Variants in MAP2K5 observed in about 807,000 individuals in gnomAD.
The protein encoded by MAP2K5 is dual specificity mitogen-activated protein kinase kinase 5.
MAP2K5 carries 49 observed loss-of-function variants against 83.1 expected under a neutral mutation model. That is an observed-to-expected ratio of 0.59 (90% confidence interval 0.47 to 0.75). The LOEUF (loss-of-function observed/expected upper bound fraction) is 0.75. MAP2K5 is among the 30% of genes least tolerant of loss of function. MAP2K5 has a pLI of 0.00. For synonymous variants in MAP2K5, 202 were observed against 191.8 expected (o/e 1.05, Z -0.44); for missense variants, 457 against 557.5 (o/e 0.82, Z 1.82).
At chr15:67,733,911 C>T (rs1300750563) in intron 17 of MAP2K5, among the ~76,000 whole-genome samples, 1 of 152,202 alleles carries the variant, frequency 6.6e-6, no homozygotes, top group Non-Finnish European at 1.5e-5. Flanking sequence ...GTGTGTTCAA[C>T]CCCTATATAC....
intron 19 of MAP2K5, among the ~76,000 whole-genome samples, chr15:67,752,125 G>T (rs1278295048): frequency 1.3e-5 from 2 of 152,114 alleles, no homozygotes; most frequent in African/African-American, 4.8e-5. Context: ...GAGTGGAGTG[G>T]CACAACCTCC....
chr15:67,711,246 A>G (rs1029653258), intron 16 of MAP2K5, among the ~76,000 whole-genome samples: 2 of 152,244 alleles, frequency 1.3e-5, no homozygotes, highest in African/African-American at 4.8e-5. Context: ...AGTTTCAGAA[A>G]ATAAAGATCA....
rs2089387104 is a variant in MAP2K5, at chr15:67,738,171, A to G, written c.1075-10060A>G. Among the ~76,000 whole-genome samples, 1 of 152,140 alleles carries G rather than the reference A, an allele frequency of 6.6e-6. No homozygotes were observed. The highest frequency in any genetic ancestry group is 2.4e-5 in the African/African-American group (1 of 41,442). ...TTGGCCTAGAATAGTCTTATGAGAGAAGAAGCTATTGGCCTACAGGTTCAG... is the reference window on the plus strand; with the variant it reads ...TTGGCCTAGAATAGTCTTATGAGAGGAGAAGCTATTGGCCTACAGGTTCAG... On this transcript the variant is annotated intron_variant, in intron 17 of 21. Transcript: ENST00000178640. This position sits in a 1 kb window ranked among gnomAD's most constrained non-coding sequence, Gnocchi z 4.1.
intron 13 of MAP2K5, among the ~76,000 whole-genome samples, chr15:67,683,424 AT>A (rs967550266): frequency 3.3e-5 from 5 of 152,194 alleles, no homozygotes; most frequent in African/African-American, 1.2e-4. Context: ...GTGGTTTATG[AT>A]ATAAGGTCAA....
At chr15:67,672,077 G>A (rs2087554706) in intron 13 of MAP2K5, among the ~76,000 whole-genome samples, 1 of 151,842 alleles carries the variant, frequency 6.6e-6, no homozygotes. Flanking sequence ...GGACATTTGG[G>A]TTGGTTCCAA....
rs983428686 is a variant in MAP2K5, at chr15:67,798,898, C to T, written c.1243-7748C>T. 2.0e-5 allele frequency among the ~76,000 whole-genome samples: 3 copies of T among 152,046 alleles called. No homozygotes were observed. In the South Asian group the frequency reaches 6.2e-4, roughly 32 times the overall value. On this transcript the variant is annotated intron_variant, in intron 21 of 21. Transcript: ENST00000178640. ...AATCAGAGGCCAAGACAGCCGGGCA[C>T]GGTGGCTCACGCCTGTAATCCCAGC...
intron 13 of MAP2K5, among the ~76,000 whole-genome samples, chr15:67,671,129 A>C (rs1480808927): frequency 1.3e-5 from 2 of 152,164 alleles, no homozygotes; most frequent in Non-Finnish European, 2.9e-5. Context: ...CTGGATGATC[A>C]CTCAGATTTC....
chr15:67,776,095 C>G (rs554802682), intron 21 of MAP2K5, among the ~76,000 whole-genome samples: 30 of 152,072 alleles, frequency 2.0e-4, no homozygotes, highest in Non-Finnish European at 4.0e-4. Flanking sequence ...TCTTTAAGAG[C>G]CTATTGCAGA....
Position 67,780,923 on chromosome 15 carries a change from G to A in MAP2K5, c.1242+8171G>A, listed in dbSNP as rs1042080750. Among the ~76,000 whole-genome samples, 4 of 152,196 alleles carry A rather than the reference G, an allele frequency of 2.6e-5. No homozygotes were observed. The East Asian group carries it at 7.7e-4, about 29-fold the overall frequency. The stretch of plus-strand genomic sequence containing the variant: ...TTTGGTATGCATTCTGACCACTTGA[G>A]AATTTACCTCAAGCAAGTAACTCCA... On this transcript the variant is annotated intron_variant, in intron 21 of 21. Transcript: ENST00000178640. This position sits in a 1 kb window ranked among gnomAD's most constrained non-coding sequence, Gnocchi z 5.0.
At chr15:67,612,919 A>G (rs1470217242) in intron 8 of MAP2K5, among the ~76,000 whole-genome samples, 1 of 152,196 alleles carries the variant, frequency 6.6e-6, no homozygotes, top group African/African-American at 2.4e-5. Context: ...TGAAGCTGAT[A>G]AATTTCTGCT....
intron 16 of MAP2K5, among the ~76,000 whole-genome samples, chr15:67,704,059 C>G (rs1357219550): frequency 6.6e-6 from 1 of 151,798 alleles, no homozygotes; most frequent in Non-Finnish European, 1.5e-5. Context: ...TGTTAGTGTT[C>G]TAGATGTAGC....
At position 67,556,742 on chromosome 15, in the gene MAP2K5, A is replaced by G. The variant is rs187801319; in HGVS notation, c.185-6541A>G. On this transcript the variant is annotated intron_variant, in intron 2 of 21. Transcript: ENST00000178640. ...AATTTTTCTATTTTTTAGTAGAGACAGGGTTTCACCATGTTGGTCAGGCTG... is the reference window on the plus strand; with the variant it reads ...AATTTTTCTATTTTTTAGTAGAGACGGGGTTTCACCATGTTGGTCAGGCTG... 9.3e-3 allele frequency among the ~76,000 whole-genome samples: 1,412 copies of G among 151,906 alleles called. 9 individuals are homozygous for G. The highest frequency in any genetic ancestry group is 0.013 in the Non-Finnish European group (880 of 67,908).
chr15:67,691,093 C>T (rs926456404), intron 13 of MAP2K5, among the ~76,000 whole-genome samples: 10 of 152,158 alleles, frequency 6.6e-5, no homozygotes, highest in Non-Finnish European at 1.3e-4. Context: ...ACAGTTCACC[C>T]CTCATCACTG....
In MAP2K5 at chr15:67,572,893, T is replaced by A. The variant is rs1237586893; in HGVS notation, c.253-7861T>A. Among the ~76,000 whole-genome samples the A allele has an allele frequency of 6.6e-6, 1 of 152,080 alleles. No individual in the cohort carries two copies. Among genetic ancestry groups the A allele is most frequent in the African/African-American group, 2.4e-5 (1 of 41,414 alleles). ...TTTGTATTTTTAGTAGAGACGGGTT[T>A]TCACGTATTGGCCAGGCTGGTCTCA... On this transcript the variant is annotated intron_variant, in intron 3 of 21. Transcript: ENST00000178640. This position sits in a 1 kb window ranked among gnomAD's most constrained non-coding sequence, Gnocchi z 4.2.
chr15:67,765,485 G>A (rs1487525401), intron 19 of MAP2K5, among the ~76,000 whole-genome samples: 1 of 152,168 alleles, frequency 6.6e-6, no homozygotes, highest in Non-Finnish European at 1.5e-5. Flanking sequence ...ATGGGGGCGG[G>A]GAGTTGCAGG....
chr15:67,683,780 C>G (rs1329537229), intron 13 of MAP2K5, among the ~76,000 whole-genome samples: 1 of 152,124 alleles, frequency 6.6e-6, no homozygotes, highest in Non-Finnish European at 1.5e-5. Flanking sequence ...ACAAAACAAA[C>G]AAACAAACAG....
intron 8 of MAP2K5, among the ~76,000 whole-genome samples, chr15:67,616,384 A>G (rs2141055849): frequency 6.6e-6 from 1 of 152,256 alleles, no homozygotes; most frequent in Admixed American, 6.5e-5. Flanking sequence ...ACAATGATTT[A>G]TTTGTCTTGT....
chr15:67,634,209 T>TA (rs2086537990), intron 9 of MAP2K5, among the ~76,000 whole-genome samples: 1 of 150,060 alleles, frequency 6.7e-6, no homozygotes, highest in Non-Finnish European at 1.5e-5. Context: ...AAATAAAAAA[T>TA]AAAAAATAAA....
Position 67,770,856 on chromosome 15 carries a change from T to G in MAP2K5, c.1196+1193T>G, listed in dbSNP as rs1596945528. Among the ~76,000 whole-genome samples the G allele has an allele frequency of 3.3e-5, 5 of 152,362 alleles. No individual in the cohort carries two copies. In the East Asian group the frequency reaches 7.7e-4, roughly 23 times the overall value. ...GTTTATATTCCATAGAAAATATATG[T>G]GAGGAAGAAATTTTTCTCCCCAATT... On this transcript the variant is annotated intron_variant, in intron 20 of 21. Coordinates refer to ENST00000178640, the MANE Select transcript of MAP2K5 (RefSeq NM_145160.3). This position sits in a 1 kb window ranked among gnomAD's most constrained non-coding sequence, Gnocchi z 5.0.
Sources: allele counts gnomAD v4.1 joint callset (sites outside exome capture counted in the v4.1 genomes callset), GRCh38; gene constraint gnomAD v4.1.1; non-coding constraint Gnocchi (gnomAD v3.1); transcripts MANE v1.5; gene names NCBI Gene and HGNC (gene_info 2026-07-23, HGNC 2026-07-21).